The following MBD6 variants were observed in gnomAD, a reference collection of about 807,000 sequenced individuals.
MBD6 encodes methyl-CpG-binding domain protein 6.
Under a neutral mutation model 66.8 loss-of-function variants are expected in MBD6, and 22 were observed. That is an observed-to-expected ratio of 0.33 (90% confidence interval 0.24 to 0.47). The LOEUF (loss-of-function observed/expected upper bound fraction) is 0.47, where lower values mean the gene tolerates loss of function less well. MBD6 is among the 20% of genes least tolerant of loss of function. The pLI, the probability that MBD6 is intolerant of heterozygous loss-of-function variation, is 1.00. For synonymous variants in MBD6, 540 were observed against 534.6 expected, an observed-to-expected ratio of 1.01 and a Z score of -0.14; for missense variants, 1,322 against 1,286.9, an observed-to-expected ratio of 1.03 and a Z score of -0.42.
Position 57,525,808 on chromosome 12 carries a change from C to G in MBD6, c.840C>G (p.Ala280=). The G allele has an allele frequency of 6.2e-7, 1 of 1,613,518 alleles. No homozygotes were observed. Among genetic ancestry groups the G allele is most frequent in the Non-Finnish European group, 8.5e-7 (1 of 1,179,680 alleles). The change falls in exon 6 of 13, where the codon GCC becomes GCG. Residue 280 remains alanine, a synonymous_variant. Coordinates refer to ENST00000355673, the MANE Select transcript of MBD6 (RefSeq NM_052897.4). ...TGCCCCCGAGCAATAATCTCCCCGC[C>G]CACCCTGGTCCTGCCTCTCAGCCAC... ...PPLPPSNNLP[A]HPGPASQPPV... is the part of the protein sequence containing the mutation.
At position 57,528,198 on chromosome 12, in the gene MBD6, T is replaced by C; in HGVS notation, c.2458T>C (p.Ser820Pro). ...CTGTCTACCCCCCGAGAGCCCTGCC[T>C]CAGCCCTCGAACCAGAGCCTGCCAG... ...APCLPPESPA[S>P]ALEPEPARPP... Residue 820 changes from serine (S) to proline (P), a missense_variant, in exon 10 of 13, where the codon TCA becomes CCA. Ser to Pro is a moderately conservative substitution (Grantham distance 74). Coordinates refer to ENST00000355673, the MANE Select transcript of MBD6 (RefSeq NM_052897.4). The C allele has an allele frequency of 6.2e-7, 1 of 1,609,394 alleles. No homozygotes were observed. The highest frequency in any genetic ancestry group is 2.2e-5 in the East Asian group (1 of 44,686).
rs369019086 is a variant in MBD6, at chr12:57,527,832, T to C, written c.2237-16T>C. The stretch of plus-strand genomic sequence containing the variant: ...GTTTGCCTAGGGAGAGACCCCTGAC[T>C]ATAATTTCTCAACAGGTGACCTGTC... On this transcript the variant is annotated splice_polypyrimidine_tract_variant and intron_variant, in intron 8 of 12. Transcript: ENST00000355673. The C allele has an allele frequency of 1.9e-6, 3 of 1,611,966 alleles. No homozygotes were observed. In the African/African-American group the frequency reaches 4.0e-5, roughly 22 times the overall value.
At position 57,524,946 on chromosome 12, in the gene MBD6, C is replaced by G. The variant is rs1878758164; in HGVS notation, c.217-7C>G. 1 of 1,600,924 alleles carries G rather than the reference C, an allele frequency of 6.2e-7. No homozygotes were observed. Among genetic ancestry groups the G allele is most frequent in the South Asian group, 1.1e-5 (1 of 89,918 alleles). ...CAGGGTCCCTGTCCTTGCTTTCCAC[C>G]TTACAGGTTTTCAACTTTGACCCTT... On this transcript the variant is annotated splice_region_variant and splice_polypyrimidine_tract_variant and intron_variant, in intron 4 of 12. Coordinates refer to ENST00000355673, the MANE Select transcript of MBD6 (RefSeq NM_052897.4).
rs1212072561 is a variant in MBD6 at position 57,524,943 on chromosome 12, C to T, written c.217-10C>T. On this transcript the variant is annotated splice_polypyrimidine_tract_variant and intron_variant, in intron 4 of 12. Coordinates refer to ENST00000355673, the MANE Select transcript of MBD6 (RefSeq NM_052897.4). ...CCTCAGGGTCCCTGTCCTTGCTTTC[C>T]ACCTTACAGGTTTTCAACTTTGACC... 3 of 1,599,782 alleles carry T rather than the reference C, an allele frequency of 1.9e-6. No individual in the cohort carries two copies. Among genetic ancestry groups the T allele is most frequent in the East Asian group, 2.2e-5 (1 of 44,630 alleles).
chr12:57,522,463 C>T (rs1354693917), upstream of MBD6, among the ~76,000 whole-genome samples: 3 of 152,138 alleles, frequency 2.0e-5, no homozygotes, highest in African/African-American at 7.2e-5. Context: ...TTCCTGGTTC[C>T]CGCAACAGAC....
At chr12:57,523,789 C>T (rs1878622384) in intron 1 of MBD6, among the ~76,000 whole-genome samples, 2 of 152,212 alleles carry the variant, frequency 1.3e-5, no homozygotes, top group Non-Finnish European at 2.9e-5. Flanking sequence ...CCTTGCCCTT[C>T]ATATGCCTAA....
At chr12:57,530,627 T>G, downstream of MBD6, 3 of 1,393,460 alleles carry the variant, frequency 2.2e-6, no homozygotes. Context: ...AAACCCTATG[T>G]AAGCTGTTAA....
rs1388560134 is a variant in MBD6, at chr12:57,527,677, G to A, written c.2236+17G>A. The A allele has an allele frequency of 6.4e-7, 1 of 1,572,752 alleles. No individual in the cohort carries two copies. The highest frequency in any genetic ancestry group is 8.6e-7 in the Non-Finnish European group (1 of 1,160,776). ...GCCTGCTGGGTGAGTCTGAGGGAGT[G>A]TGAATTCACACTCTTGGTGTGAAAA... On this transcript the variant is annotated intron_variant, in intron 8 of 12. Coordinates refer to ENST00000355673, the MANE Select transcript of MBD6 (RefSeq NM_052897.4).
chr12:57,524,352 G>A lies in MBD6; in HGVS notation c.49G>A (p.Val17Met). The change falls in exon 3 of 13, where the codon GTG (valine) becomes ATG (methionine). Residue 17 changes from valine (V) to methionine (M), a missense_variant. By Grantham distance (21) the Val-to-Met change is conservative. Transcript: ENST00000355673. ...SSGADRAGGP[V>M]ATSVPIGWQR... ...TGGAGCAGACAGAGCTGGGGGCCCT[G>A]TGGCCACATCTGTCCCCATCGGCTG... The A allele has an allele frequency of 6.3e-7, 1 of 1,596,190 alleles. No individual in the cohort carries two copies. The highest frequency in any genetic ancestry group is 8.5e-7 in the Non-Finnish European group (1 of 1,171,502).
At chr12:57,521,349 G>A (rs2140053870), upstream of MBD6, 1 of 152,522 alleles carries the variant, frequency 6.6e-6, no homozygotes, top group Middle Eastern at 3.4e-3. Flanking sequence ...TGTAATCCCA[G>A]CTACTCTGGA....
chr12:57,527,240 G>A lies in MBD6; in HGVS notation c.2082+13G>A, dbSNP rs764516080. The A allele has an allele frequency of 2.0e-6, 3 of 1,476,142 alleles. No homozygotes were observed. Among genetic ancestry groups the A allele is most frequent in the Non-Finnish European group, 2.7e-6 (3 of 1,104,370 alleles). The allele number at this position is 1,476,142 out of a possible 1,614,324, so 91.4% of individuals were successfully genotyped here. A position where few individuals can be genotyped will look rare whatever the true frequency, so the allele number is the denominator to read the frequency against. ...GACACCCCCCCAGGTGAGGATGGGG[G>A]TGAGTAGGTGGGACAGAACAAGATG... is the stretch of plus-strand genomic sequence containing the variant. On this transcript the variant is annotated intron_variant, in intron 7 of 12. Transcript: ENST00000355673.
In MBD6 at chr12:57,525,875, C is replaced by G; in HGVS notation, c.907C>G (p.Pro303Ala). Residue 303 changes from proline to alanine, a missense_variant, in exon 6 of 13, where the codon CCC becomes GCC. Coordinates refer to ENST00000355673, the MANE Select transcript of MBD6 (RefSeq NM_052897.4). ...ATMHLPLVLG[P>A]LGGAPTVEGP... ...TATGCACCTGCCCCTGGTCCTGGGG[C>G]CCCTGGGAGGGGCCCCCACGGTGGA... 6.2e-7 allele frequency: 1 copy of G among 1,605,868 alleles called. No homozygotes were observed. The highest frequency in any genetic ancestry group is 8.5e-7 in the Non-Finnish European group (1 of 1,176,012).
chr12:57,526,451 G>A, intron 6 of MBD6, 63 bp downstream of exon 6: 2 of 1,526,960 alleles, frequency 1.3e-6, no homozygotes, highest in Admixed American at 2.1e-5. Flanking sequence ...AGGCATTTAG[G>A]GGAATGTTCA....
chr12:57,527,201 G>GATCC lies in MBD6; in HGVS notation c.2057_2060dup (p.Pro688SerfsTer30). ...TTCTGCGCTGCTGGCTGCCACCCTG[G>GATCC]ATCCCCCCTCGGGGACACCCCCCCA... On this transcript the variant is annotated frameshift_variant, in exon 7 of 13. Transcript: ENST00000355673. LOFTEE classifies it high-confidence loss of function. 1 of 1,516,278 alleles carries GATCC rather than the reference G, an allele frequency of 6.6e-7. No individual in the cohort carries two copies. The highest frequency in any genetic ancestry group is 8.8e-7 in the Non-Finnish European group (1 of 1,133,478). The allele number at this position is 1,516,278 out of a possible 1,614,324, so 93.9% of individuals were successfully genotyped here.
At chr12:57,530,585 G>A, downstream of MBD6, 1 of 1,003,950 alleles carries the variant, frequency 1.0e-6, no homozygotes, top group Non-Finnish European at 1.5e-6. Context: ...AGTGTCAAAT[G>A]GGATGGGGAT....
rs752757033 is a variant in MBD6, at chr12:57,527,913, C to T, written c.2302C>T (p.Leu768Phe). 1.2e-6 allele frequency: 2 copies of T among 1,613,340 alleles called. No homozygotes were observed. The highest frequency in any genetic ancestry group is 1.7e-6 in the Non-Finnish European group (2 of 1,179,788). Residue 768 changes from leucine to phenylalanine, a missense_variant, in exon 9 of 13, where the codon CTT (leucine) becomes TTT (phenylalanine). Leu to Phe is a conservative substitution (Grantham distance 22, BLOSUM62 0). Transcript: ENST00000355673. ...CAGCCTGTTGCAGCCTCCTGGCCCTCTTCTCTCTGGCCAGTTGGGGCTGCA... is the reference window on the plus strand; with the variant it reads ...CAGCCTGTTGCAGCCTCCTGGCCCTTTTCTCTCTGGCCAGTTGGGGCTGCA... ...LPSLLQPPGP[L>F]LSGQLGLQLL...
chr12:57,522,689 C>G (rs1594850004), upstream of MBD6: 1 of 151,424 alleles, frequency 6.6e-6, no homozygotes, highest in Non-Finnish European at 1.5e-5. Context: ...GGGCGGGGGC[C>G]CGGCCCCGCC....
At chr12:57,530,733 T>C, downstream of MBD6, 1 of 1,613,942 alleles carries the variant, frequency 6.2e-7, no homozygotes, top group East Asian at 2.2e-5. Flanking sequence ...CTGGCAAAGT[T>C]CCCCTCAACT....
In MBD6 at chr12:57,526,745, T is replaced by A. The variant is rs141944485; in HGVS notation, c.1600T>A (p.Phe534Ile). The change falls in exon 7 of 13, where the codon TTC becomes ATC. Residue 534 changes from phenylalanine (F) to isoleucine (I), a missense_variant. By Grantham distance (21) the Phe-to-Ile change is conservative. Coordinates refer to ENST00000355673, the MANE Select transcript of MBD6 (RefSeq NM_052897.4). ...GGGCCTGGCACTGAGTGGAGCTGGC[T>A]TCCCTGGGATGCTTGGGGCCTTGCC... is the stretch of plus-strand genomic sequence containing the variant. ...EQGLALSGAG[F>I]PGMLGALPLP... is the part of the protein sequence containing the mutation. 22 of 1,578,086 alleles carry A rather than the reference T, an allele frequency of 1.4e-5. No homozygotes were observed. The African/African-American group carries it at 2.7e-4, about 19-fold the overall frequency.
Sources: allele counts gnomAD v4.1 joint callset (sites outside exome capture counted in the v4.1 genomes callset), GRCh38; gene constraint gnomAD v4.1.1; transcripts MANE v1.5; gene names NCBI Gene and HGNC (gene_info 2026-07-23, HGNC 2026-07-21).